HS6ST3: variants seen among roughly 807,000 people sequenced by gnomAD.
HS6ST3 encodes the protein heparan-sulfate 6-O-sulfotransferase 3.
In HS6ST3, 12 loss-of-function variants were observed where a neutral mutation model predicts 36.7. That is an observed-to-expected ratio of 0.33 (90% confidence interval 0.21 to 0.53). The LOEUF (loss-of-function observed/expected upper bound fraction) is 0.53, where lower values mean the gene tolerates loss of function less well. Among genes scored for constraint, HS6ST3 ranks in the 20% least tolerant of loss-of-function variants. The pLI is 0.95. For missense variants in HS6ST3, 584 were observed against 640.9 expected, an observed-to-expected ratio of 0.91 and a Z score of 0.96; for synonymous variants, 240 against 257.5, an observed-to-expected ratio of 0.93 and a Z score of 0.65.
chr13:96,395,735 A>G (rs1566348518), intron 1 of HS6ST3, among the ~76,000 whole-genome samples: 1 of 152,192 alleles, frequency 6.6e-6, no homozygotes, highest in Non-Finnish European at 1.5e-5. Flanking sequence ...AATTTAAAAA[A>G]TATTTATGAT....
At chr13:96,140,512 A>G (rs1161149415) in intron 1 of HS6ST3, among the ~76,000 whole-genome samples, 2 of 152,182 alleles carry the variant, frequency 1.3e-5, no homozygotes, top group Non-Finnish European at 2.9e-5. Flanking sequence ...GGCACTAGTG[A>G]TGCTGGAAGT....
intron 1 of HS6ST3, among the ~76,000 whole-genome samples, chr13:96,283,355 C>A (rs1319003851): frequency 1.3e-5 from 2 of 152,156 alleles, no homozygotes; most frequent in African/African-American, 4.8e-5. Flanking sequence ...TTTATGACTG[C>A]AAAGATTATT....
intron 1 of HS6ST3, among the ~76,000 whole-genome samples, chr13:96,381,129 T>C (rs1193836142): frequency 6.6e-6 from 1 of 152,196 alleles, no homozygotes. Context: ...TAGTAACACA[T>C]GAATTGTGTG....
At chr13:96,567,151 TTTTTTTCTTCTC>T (rs1418124049) in intron 1 of HS6ST3, among the ~76,000 whole-genome samples, 7 of 152,112 alleles carry the variant, frequency 4.6e-5, no homozygotes, top group South Asian at 2.1e-4. Flanking sequence ...TTCTCTCTTC[TTTTTTTCTTCTC>T]TTTTTTCTTC....
intron 1 of HS6ST3, among the ~76,000 whole-genome samples, chr13:96,136,611 C>T (rs1212569970): frequency 6.7e-6 from 1 of 148,940 alleles, no homozygotes; most frequent in South Asian, 2.1e-4. Context: ...GATTATAGTT[C>T]GAGATTTGGT....
intron 1 of HS6ST3, among the ~76,000 whole-genome samples, chr13:96,326,432 GT>G (rs1459298945): frequency 1.3e-5 from 2 of 149,862 alleles, no homozygotes; most frequent in African/African-American, 4.9e-5. Flanking sequence ...GCGGTGTTTG[GT>G]TTTTTGTCCT....
rs185428799 is a variant in HS6ST3, at chr13:96,820,626, G to A, written c.708-11864G>A. On this transcript the variant is annotated intron_variant, in intron 1 of 1. Transcript: ENST00000376705. ...GGTGAGGAAACTAAGGCTCCCAGAG[G>A]TCAAATAAGCTAACCAAGTCACGCT... Among the ~76,000 whole-genome samples the A allele has an allele frequency of 1.6e-4, 25 of 152,358 alleles. 1 individual carries two copies. Among genetic ancestry groups the A allele is most frequent in the Admixed American group, 4.6e-4 (7 of 15,308 alleles).
At chr13:96,657,753 T>G (rs912857730) in intron 1 of HS6ST3, among the ~76,000 whole-genome samples, 1 of 151,944 alleles carries the variant, frequency 6.6e-6, no homozygotes. Flanking sequence ...CATGGAGAAA[T>G]AGATGAAGGG....
rs537699981 is a variant in HS6ST3 at position 96,234,216 on chromosome 13, C to T, written c.707+142647C>T. On this transcript the variant is annotated intron_variant, in intron 1 of 1. Transcript: ENST00000376705. The stretch of plus-strand genomic sequence containing the variant: ...CCTGAGGTCAGGAGTTTGAGACCAG[C>T]CTGGCCAACATGGTGAAAACCTGTC... 1.1e-3 allele frequency among the ~76,000 whole-genome samples: 172 copies of T among 151,666 alleles called. 1 individual carries two copies. The highest frequency in any genetic ancestry group is 3.1e-3 in the African/African-American group (128 of 41,364).
At chr13:96,763,509 T>G (rs908243363) in intron 1 of HS6ST3, among the ~76,000 whole-genome samples, 1 of 150,340 alleles carries the variant, frequency 6.7e-6, no homozygotes, top group Admixed American at 6.6e-5. Flanking sequence ...TTATATAATA[T>G]ATATTTGTGT....
At chr13:96,337,660 G>C (rs1267965004) in intron 1 of HS6ST3, among the ~76,000 whole-genome samples, 1 of 152,052 alleles carries the variant, frequency 6.6e-6, no homozygotes, top group African/African-American at 2.4e-5. Flanking sequence ...CATCTCTATA[G>C]CTGAGAATTT....
intron 1 of HS6ST3, among the ~76,000 whole-genome samples, chr13:96,112,766 C>CAACA (rs55814815): frequency 0.84 from 122,184 of 145,506 alleles, 51,548 homozygotes; most frequent in East Asian, 0.91. Context: ...GACTCTGTTT[C>CAACA]AACAAACAAA....
intron 1 of HS6ST3, among the ~76,000 whole-genome samples, chr13:96,569,349 C>T (rs997661193): frequency 2.6e-5 from 4 of 152,046 alleles, no homozygotes; most frequent in Non-Finnish European, 5.9e-5. Flanking sequence ...TCCATTGTAT[C>T]CTTGGAATTA....
chr13:96,452,484 C>T (rs1416317795), intron 1 of HS6ST3, among the ~76,000 whole-genome samples: 1 of 151,982 alleles, frequency 6.6e-6, no homozygotes, highest in Non-Finnish European at 1.5e-5. Context: ...ATCACAAATC[C>T]AATTTTCAAT....
intron 1 of HS6ST3, among the ~76,000 whole-genome samples, chr13:96,772,848 T>G (rs1238352793): frequency 6.6e-6 from 1 of 152,228 alleles, no homozygotes; most frequent in African/African-American, 2.4e-5. Flanking sequence ...GGAAGAAGTT[T>G]GAAATTTTCT....
intron 1 of HS6ST3, among the ~76,000 whole-genome samples, chr13:96,525,204 T>G (rs1444491936): frequency 6.6e-6 from 1 of 152,228 alleles, no homozygotes; most frequent in Non-Finnish European, 1.5e-5. Flanking sequence ...ACCTCTCTCC[T>G]CACACTAGTT....
intron 1 of HS6ST3, among the ~76,000 whole-genome samples, chr13:96,294,667 G>C (rs2054846029): frequency 6.6e-6 from 1 of 152,068 alleles, no homozygotes; most frequent in South Asian, 2.1e-4. Context: ...AGAGTTTTGT[G>C]TAAAAAGGCC....
At chr13:96,169,103 G>A (rs1305179596) in intron 1 of HS6ST3, among the ~76,000 whole-genome samples, 1 of 152,142 alleles carries the variant, frequency 6.6e-6, no homozygotes, top group Non-Finnish European at 1.5e-5. Flanking sequence ...GTTGTACCTA[G>A]CACTGCAAAG....
At chr13:96,708,668 G>A (rs951182702) in intron 1 of HS6ST3, among the ~76,000 whole-genome samples, 3 of 152,118 alleles carry the variant, frequency 2.0e-5, no homozygotes, top group Admixed American at 6.5e-5. Context: ...TGAATCCACA[G>A]AGGAAAAATC....
Sources: gnomAD v4.1 joint callset for allele counts (sites outside exome capture counted in the v4.1 genomes callset) on GRCh38, gnomAD v4.1.1 for gene constraint, MANE v1.5 for transcripts, NCBI Gene and HGNC (gene_info 2026-07-23, HGNC 2026-07-21) for gene names.